KCNN3: variants seen among roughly 807,000 people sequenced by gnomAD.
KCNN3 encodes small conductance calcium-activated potassium channel protein 3.
KCNN3 carries 16 observed loss-of-function variants against 62.9 expected under a neutral mutation model. The observed-to-expected ratio is 0.25, with a 90% CI of 0.17 to 0.39. The LOEUF (loss-of-function observed/expected upper bound fraction) is 0.39. Among genes scored for constraint, KCNN3 ranks in the 10% least tolerant of loss-of-function variants. The pLI is 1.00. For missense variants in KCNN3, 599 were observed against 949.4 expected, an observed-to-expected ratio of 0.63 and a Z score of 4.85; for synonymous variants, 370 against 389.2, an observed-to-expected ratio of 0.95 and a Z score of 0.58.
intron 3 of KCNN3, among the ~76,000 whole-genome samples, chr1:154,739,555 C>T (rs1210604787): frequency 6.6e-6 from 1 of 152,230 alleles, no homozygotes; most frequent in Non-Finnish European, 1.5e-5. Context: ...TGGTAGGAAG[C>T]TTCTAAAATG....
At chr1:154,733,199 G>T in intron 3 of KCNN3, 55 bp from the exon 4 acceptor site, 4 of 1,586,282 alleles carry the variant, frequency 2.5e-6, no homozygotes, top group Non-Finnish European at 3.5e-6. Flanking sequence ...GGGAGTAAGG[G>T]CTGTGGGCAA....
chr1:154,849,891 T>C (rs1051744894), intron 1 of KCNN3, among the ~76,000 whole-genome samples: 2 of 152,172 alleles, frequency 1.3e-5, no homozygotes, highest in African/African-American at 2.4e-5. Flanking sequence ...CTCTCCTGAC[T>C]GTGACAACCA....
At chr1:154,743,833 G>A (rs1465656302) in intron 3 of KCNN3, among the ~76,000 whole-genome samples, 1 of 152,174 alleles carries the variant, frequency 6.6e-6, no homozygotes, top group Non-Finnish European at 1.5e-5. Flanking sequence ...ATGCTCAGTA[G>A]GTTAGGTACG....
intron 2 of KCNN3, among the ~76,000 whole-genome samples, chr1:154,802,183 CAG>C: frequency 1.3e-5 from 2 of 152,268 alleles, no homozygotes; most frequent in East Asian, 3.9e-4. Context: ...GAAACTGAGG[CAG>C]AGAGGTTTAA....
rs531223329 is a variant in KCNN3, at chr1:154,809,317, G to A, written c.1029+12772C>T. Reference sequence around the variant, plus strand: ...GGTCCAGTCTGTAGTTCACAGCTCTGTCCCATACCAGGCACCGTGCCCCTC... The same window carrying A: ...GGTCCAGTCTGTAGTTCACAGCTCTATCCCATACCAGGCACCGTGCCCCTC... On this transcript the variant is annotated intron_variant, in intron 2 of 7. Transcript: ENST00000271915. This position sits in a 1 kb window ranked among gnomAD's most constrained non-coding sequence, Gnocchi z 4.3. Among the ~76,000 whole-genome samples the A allele has an allele frequency of 6.1e-4, 93 of 152,290 alleles. No individual in the cohort carries two copies. The highest frequency in any genetic ancestry group is 1.9e-3 in the African/African-American group (81 of 41,546).
chr1:154,834,207 C>T (rs1169117175), intron 1 of KCNN3, among the ~76,000 whole-genome samples: 2 of 152,230 alleles, frequency 1.3e-5, no homozygotes, highest in East Asian at 3.8e-4. Context: ...CTTTGAGGTG[C>T]CATGAATTCC....
At chr1:154,735,308 C>G (rs556706493) in intron 3 of KCNN3, among the ~76,000 whole-genome samples, 1 of 152,298 alleles carries the variant, frequency 6.6e-6, no homozygotes, top group East Asian at 1.9e-4. Flanking sequence ...GCTCTCCAGC[C>G]CCACTTGAGT....
intron 2 of KCNN3, among the ~76,000 whole-genome samples, chr1:154,811,737 A>C (rs763121969): frequency 1.3e-5 from 2 of 152,178 alleles, no homozygotes; most frequent in Non-Finnish European, 2.9e-5. Flanking sequence ...GGAAAATGTC[A>C]TTTTACTAGA....
chr1:154,756,369 A>G (rs1647711945), intron 3 of KCNN3, among the ~76,000 whole-genome samples: 1 of 152,210 alleles, frequency 6.6e-6, no homozygotes, highest in Admixed American at 6.5e-5. Context: ...AAGTAAATAA[A>G]AAGATAAAAC....
intron 1 of KCNN3, among the ~76,000 whole-genome samples, chr1:154,830,195 A>T (rs1009450753): frequency 5.3e-5 from 8 of 152,368 alleles, no homozygotes; most frequent in Non-Finnish European, 1.2e-4. Flanking sequence ...AACATTTATT[A>T]TTCACTTACC....
At chr1:154,743,413 G>A (rs1382884496) in intron 3 of KCNN3, among the ~76,000 whole-genome samples, 1 of 152,156 alleles carries the variant, frequency 6.6e-6, no homozygotes, top group Non-Finnish European at 1.5e-5. Flanking sequence ...GAAGTCCCCT[G>A]GGGCCCCCAA....
At chr1:154,843,383 C>T (rs189016080) in intron 1 of KCNN3, among the ~76,000 whole-genome samples, 47 of 152,292 alleles carry the variant, frequency 3.1e-4, no homozygotes, top group African/African-American at 9.9e-4. Context: ...CCCACATCCC[C>T]GGGCTTCCAG....
chr1:154,823,426 G>A (rs1650985546), intron 1 of KCNN3, among the ~76,000 whole-genome samples: 1 of 152,234 alleles, frequency 6.6e-6, no homozygotes, highest in South Asian at 2.1e-4. Flanking sequence ...GCACCTTACA[G>A]TTTACAAGGT....
At chr1:154,723,357 G>GA (rs1700397615) in intron 5 of KCNN3, among the ~76,000 whole-genome samples, 1 of 152,220 alleles carries the variant, frequency 6.6e-6, no homozygotes, top group Non-Finnish European at 1.5e-5. Context: ...AGTGTTCTCA[G>GA]AAAAGTGAGA....
chr1:154,808,066 T>G (rs1650254314), intron 2 of KCNN3, among the ~76,000 whole-genome samples: 1 of 152,174 alleles, frequency 6.6e-6, no homozygotes, highest in Non-Finnish European at 1.5e-5. Flanking sequence ...TGATACAGAC[T>G]ATTGACATTC....
intron 1 of KCNN3, among the ~76,000 whole-genome samples, chr1:154,830,028 C>A (rs528179742): frequency 1.3e-5 from 2 of 152,268 alleles, no homozygotes; most frequent in East Asian, 3.9e-4. Flanking sequence ...ATGCCTAGAA[C>A]ACTGGTCTGG....
intron 1 of KCNN3, among the ~76,000 whole-genome samples, chr1:154,854,936 G>C (rs888008827): frequency 3.3e-5 from 5 of 152,186 alleles, no homozygotes; most frequent in Admixed American, 3.3e-4. Flanking sequence ...TGAAAAATTT[G>C]GCCAAGCGCA....
Position 154,699,470 on chromosome 1 carries a change from A to C in KCNN3, c.*8506T>G, listed in dbSNP as rs1218430217. 2 of 152,218 alleles carry C rather than the reference A, an allele frequency of 1.3e-5. No individual in the cohort carries two copies. The highest frequency in any genetic ancestry group is 2.1e-4 in the South Asian group (1 of 4,834). 9.4% of individuals were successfully genotyped at this position (152,218 alleles called of 1,614,324 possible). The stretch of plus-strand genomic sequence containing the variant: ...ACATACACGTCACACACACACATAC[A>C]TATTTATACTGACCTCTTTAGATTG... On this transcript the variant is annotated 3_prime_UTR_variant, in exon 8 of 8. Coordinates refer to ENST00000271915, the MANE Select transcript of KCNN3 (RefSeq NM_002249.6).
chr1:154,737,096 A>C, intron 3 of KCNN3: 1 of 700,144 alleles, frequency 1.4e-6, no homozygotes, highest in Non-Finnish European at 2.6e-6. Flanking sequence ...GGACTGTGGG[A>C]GTAGAGAGGA....
Sources: allele counts gnomAD v4.1 joint callset (sites outside exome capture counted in the v4.1 genomes callset), GRCh38; gene constraint gnomAD v4.1.1; non-coding constraint Gnocchi (gnomAD v3.1); transcripts MANE v1.5; gene names NCBI Gene and HGNC (gene_info 2026-07-23, HGNC 2026-07-21).